DNAH2: variants seen among roughly 807,000 people sequenced by gnomAD.
DNAH2 encodes the protein axonemal beta dynein heavy chain 2.
DNAH2 carries 323 observed loss-of-function variants against 523.5 expected under a neutral mutation model. The ratio of observed to expected loss-of-function variants is 0.62; its 90% CI spans 0.56 to 0.68. The LOEUF (loss-of-function observed/expected upper bound fraction) is 0.68. Among genes scored for constraint, DNAH2 ranks in the 30% least tolerant of loss-of-function variants. The pLI, the probability that DNAH2 is intolerant of heterozygous loss-of-function variation, is 0.00. For synonymous variants in DNAH2, 2,093 were observed against 2,177.4 expected, an observed-to-expected ratio of 0.96 and a Z score of 1.08; for missense variants, 4,907 against 5,701.5, an observed-to-expected ratio of 0.86 and a Z score of 4.49.
At position 7,793,447 on chromosome 17, in the gene DNAH2, T is replaced by TTCTTTCTTTTTC. The variant is rs774059490; in HGVS notation, c.7569+243_7569+244insCTTTCTTTTTCT. Among the ~76,000 whole-genome samples, 85 of 96,488 alleles carry TTCTTTCTTTTTC rather than the reference T, an allele frequency of 8.8e-4. 1 individual carries two copies. The highest frequency in any genetic ancestry group is 1.4e-3 in the Non-Finnish European group (60 of 42,512). 63.3% of individuals were successfully genotyped at this position (96,488 alleles called of 152,430 possible). On this transcript the variant is annotated intron_variant, in intron 48 of 85. Coordinates refer to ENST00000572933, the MANE Select transcript of DNAH2 (RefSeq NM_020877.5). ...GCCTGCTTGCTTTTTCTTTCTTTCT[T>TTCTTTCTTTTTC]TTTCTTTCTTTCTTTCTTTCTTTCT... is the stretch of plus-strand genomic sequence containing the variant.
rs2076738570 is a variant in DNAH2, at chr17:7,786,508, C to T, written c.6349-62C>T. 2 of 1,527,780 alleles carry T rather than the reference C, an allele frequency of 1.3e-6. No homozygotes were observed. The highest frequency in any genetic ancestry group is 9.0e-7 in the Non-Finnish European group (1 of 1,108,458). 94.6% of individuals were successfully genotyped at this position (1,527,780 alleles called of 1,614,324 possible). A position where few individuals can be genotyped will look rare whatever the true frequency, so the allele number is the denominator to read the frequency against. On this transcript the variant is annotated intron_variant, in intron 40 of 85. Coordinates refer to ENST00000572933, the MANE Select transcript of DNAH2 (RefSeq NM_020877.5). This position sits in a 1 kb window ranked among gnomAD's most constrained non-coding sequence, Gnocchi z 7.5. ...ACAAATGCACGTACCTAAGAGGGGT[C>T]TGGAAATAAAGAGGGGTTTTTGTCC...
At chr17:7,766,290 G>A (rs757269547) in intron 21 of DNAH2, 28 bp from the exon 22 acceptor site, 1 of 1,603,610 alleles carries the variant, frequency 6.2e-7, no homozygotes, top group Non-Finnish European at 8.5e-7. Context: ...TGAGCGGGAA[G>A]CTGAGCTTCA....
chr17:7,788,481 G>C (rs1046294059), intron 44 of DNAH2, among the ~76,000 whole-genome samples: 10 of 152,166 alleles, frequency 6.6e-5, no homozygotes, highest in African/African-American at 2.4e-4. Context: ...AATTGAATAT[G>C]TACACAATGG....
chr17:7,746,759 G>A (rs1173217721), intron 12 of DNAH2, among the ~76,000 whole-genome samples: 1 of 152,038 alleles, frequency 6.6e-6, no homozygotes, highest in Non-Finnish European at 1.5e-5. Context: ...GGCCAAGGTG[G>A]GCAGATCACC....
intron 21 of DNAH2, 75 bp from the exon 22 acceptor site, chr17:7,766,243 A>G: frequency 6.6e-7 from 1 of 1,524,644 alleles, no homozygotes; most frequent in Non-Finnish European, 9.0e-7. Flanking sequence ...ATTTGCCCAC[A>G]AAGAGATAGG....
chr17:7,820,848 T>A (rs577037759), intron 72 of DNAH2, among the ~76,000 whole-genome samples: 6 of 152,266 alleles, frequency 3.9e-5, no homozygotes, highest in Non-Finnish European at 7.4e-5. Context: ...AAGACCAGAC[T>A]GCCAACATGG....
At chr17:7,791,790 C>G in intron 44 of DNAH2, 127 bp from the exon 45 acceptor site, 4 of 916,806 alleles carry the variant, frequency 4.4e-6, no homozygotes, top group Non-Finnish European at 6.6e-6. Flanking sequence ...GAAAACTGTG[C>G]GATTTTCCAA....
At chr17:7,777,760 C>G (rs1567682172) in intron 33 of DNAH2, 126 bp downstream of exon 33, 2 of 1,217,664 alleles carry the variant, frequency 1.6e-6, no homozygotes, top group Admixed American at 4.4e-5. Context: ...CTACCCTAAT[C>G]CGGTTCTTCC....
intron 75 of DNAH2, 47 bp downstream of exon 75, chr17:7,824,029 G>T (rs1355588248): frequency 1.2e-5 from 19 of 1,595,010 alleles, no homozygotes; most frequent in Non-Finnish European, 1.5e-5. Context: ...GGTCTTTCCT[G>T]CCTCCCTCGC....
chr17:7,719,894 G>A lies in DNAH2; in HGVS notation c.160G>A (p.Glu54Lys), dbSNP rs1302339099. ...GCTGCAGGCTGAGCTCCCCAAGGAG[G>A]AGCCTGGTGGGTACTTGCTGGGGCA... is the stretch of plus-strand genomic sequence containing the variant. The part of the protein sequence containing the change: ...PELQAELPKE[E>K]PEPRLEGPQA... Residue 54 changes from glutamate (E) to lysine (K), a missense_variant, in exon 2 of 86, where the codon GAG (glutamate) becomes AAG (lysine). Glu to Lys is a moderately conservative substitution (Grantham distance 56). Transcript: ENST00000572933. The A allele has an allele frequency of 1.3e-6, 2 of 1,541,184 alleles. No individual in the cohort carries two copies.
intron 8 of DNAH2, among the ~76,000 whole-genome samples, chr17:7,738,763 G>C (rs1045357777): frequency 6.6e-6 from 1 of 151,986 alleles, no homozygotes; most frequent in Non-Finnish European, 1.5e-5. Flanking sequence ...TCTGTCTCCT[G>C]TCTGGTTCTT....
chr17:7,736,083 C>T (rs2075133986), intron 7 of DNAH2, among the ~76,000 whole-genome samples: 1 of 151,740 alleles, frequency 6.6e-6, no homozygotes, highest in Non-Finnish European at 1.5e-5. Context: ...GAGACAGGAT[C>T]TCACTATGTT....
At chr17:7,727,533 G>A (rs1367403212) in intron 4 of DNAH2, among the ~76,000 whole-genome samples, 3 of 152,034 alleles carry the variant, frequency 2.0e-5, no homozygotes, top group Non-Finnish European at 2.9e-5. Flanking sequence ...GCGGGTGGGC[G>A]GATCATGAGG....
At chr17:7,732,875 T>C (rs530472501) in intron 4 of DNAH2, among the ~76,000 whole-genome samples, 1 of 152,332 alleles carries the variant, frequency 6.6e-6, no homozygotes, top group African/African-American at 2.4e-5. Context: ...GTACAGTCCC[T>C]ACTCTCAAGG....
intron 39 of DNAH2, among the ~76,000 whole-genome samples, chr17:7,782,223 C>T (rs934645929): frequency 1.3e-5 from 2 of 152,160 alleles, no homozygotes; most frequent in African/African-American, 4.8e-5. Flanking sequence ...CCCCAAGGGG[C>T]AACATCCCCA....
At chr17:7,724,994 C>T (rs1011477737) in intron 3 of DNAH2, among the ~76,000 whole-genome samples, 3 of 152,052 alleles carry the variant, frequency 2.0e-5, no homozygotes, top group Admixed American at 6.6e-5. Flanking sequence ...CCACCTGCCT[C>T]GGCCTCCCAA....
chr17:7,830,810 C>A lies in DNAH2; in HGVS notation c.12198C>A (p.Phe4066Leu), dbSNP rs1204002355. ...RLLTTYINDY[F>L]CDQSLSTPFH... ...TGACCACCTACATCAATGATTATTT[C>A]TGTGACCAGTCTCTATCAACTCCCT... Residue 4066 changes from phenylalanine (F) to leucine (L), a missense_variant, in exon 79 of 86, where the codon TTC becomes TTA. By Grantham distance (22) the Phe-to-Leu change is conservative (BLOSUM62 0). Coordinates refer to ENST00000572933, the MANE Select transcript of DNAH2 (RefSeq NM_020877.5). 1 of 1,614,094 alleles carries A rather than the reference C, an allele frequency of 6.2e-7. No homozygotes were observed. Among genetic ancestry groups the A allele is most frequent in the Non-Finnish European group, 8.5e-7 (1 of 1,180,040 alleles).
At chr17:7,822,618 T>C (rs1217978285) in intron 73 of DNAH2, among the ~76,000 whole-genome samples, 1 of 146,476 alleles carries the variant, frequency 6.8e-6, no homozygotes, top group African/African-American at 2.7e-5. Context: ...TACTAGATAA[T>C]TTACTTATTT....
chr17:7,813,469 T>C (rs2077576019), intron 63 of DNAH2, among the ~76,000 whole-genome samples: 1 of 152,148 alleles, frequency 6.6e-6, no homozygotes, highest in African/African-American at 2.4e-5. Flanking sequence ...AGGAGACTTG[T>C]TACATAAATC....
Sources: allele counts gnomAD v4.1 joint callset (sites outside exome capture counted in the v4.1 genomes callset), GRCh38; gene constraint gnomAD v4.1.1; non-coding constraint Gnocchi (gnomAD v3.1); transcripts MANE v1.5; gene names NCBI Gene and HGNC (gene_info 2026-07-23, HGNC 2026-07-21).